The following MLYCD variants were observed in gnomAD, a reference collection of about 807,000 sequenced individuals.
MLYCD encodes the protein malonyl-CoA decarboxylase, mitochondrial.
In MLYCD, 27 loss-of-function variants were observed where a neutral mutation model predicts 35.8. The ratio of observed to expected loss-of-function variants is 0.75; its 90% confidence interval spans 0.56 to 1.04. The LOEUF is 1.04. Ranked by LOEUF, MLYCD falls within the 50% of genes least tolerant of loss-of-function variation. The probability of loss-of-function intolerance (pLI) is 0.00; values close to 1 mark genes in which losing one functional copy is unlikely to be tolerated. For synonymous variants in MLYCD, 403 were observed against 302.4 expected (o/e 1.33, Z -3.45); for missense variants, 917 against 665.1 (o/e 1.38, Z -4.17).
chr16:83,914,833 G>A, intron 4 of MLYCD, 123 bp from the exon 5 acceptor site: 3 of 1,359,208 alleles, frequency 2.2e-6, no homozygotes, highest in Non-Finnish European at 3.1e-6. Context: ...TGTATCAGAT[G>A]TCACTCTGAC....
chr16:83,899,787 C>T (rs928839381), intron 1 of MLYCD, 115 bp downstream of exon 1: 5 of 1,288,140 alleles, frequency 3.9e-6, no homozygotes, highest in Non-Finnish European at 5.1e-6. Flanking sequence ...ATAGCACGCT[C>T]ACTTCGCCCG....
chr16:83,910,143 C>G (rs1421135227), intron 3 of MLYCD, among the ~76,000 whole-genome samples: 1 of 151,136 alleles, frequency 6.6e-6, no homozygotes, highest in Non-Finnish European at 1.5e-5. Context: ...AGGTGTTCAT[C>G]AAAAGGGCAG....
chr16:83,915,216 C>T lies in MLYCD; in HGVS notation c.1209C>T (p.Ala403=), dbSNP rs774773160. ...AGACTCCGCTGATGAGGCTGTGCGC[C>T]TGGTACCTGTATGGAGAGAAGCACC... ...ALQTPLMRLC[A]WYLYGEKHRG... The change falls in exon 5 of 5, where the codon GCC becomes GCT. Residue 403 remains alanine (A), a synonymous_variant. Coordinates refer to ENST00000262430, the MANE Select transcript of MLYCD (RefSeq NM_012213.3). The T allele has an allele frequency of 6.2e-7, 1 of 1,614,000 alleles. No individual in the cohort carries two copies. Among genetic ancestry groups the T allele is most frequent in the Middle Eastern group, 1.7e-4 (1 of 6,058 alleles).
chr16:83,909,216 C>T (rs1907085740), intron 3 of MLYCD, among the ~76,000 whole-genome samples: 9 of 152,018 alleles, frequency 5.9e-5, no homozygotes, highest in Admixed American at 5.2e-4. Context: ...TTCCTTCTGG[C>T]CTAACAATTC....
intron 3 of MLYCD, among the ~76,000 whole-genome samples, chr16:83,909,651 C>T (rs1361538774): frequency 1.5e-5 from 2 of 129,834 alleles, no homozygotes; most frequent in East Asian, 4.5e-4. Context: ...AGCGGAGTTT[C>T]GCTCTTCTTG....
At chr16:83,901,798 A>C (rs919919973) in intron 1 of MLYCD, among the ~76,000 whole-genome samples, 1 of 152,180 alleles carries the variant, frequency 6.6e-6, no homozygotes, top group Non-Finnish European at 1.5e-5. Context: ...GACATTCACA[A>C]GTTTCCTTGC....
At chr16:83,905,189 C>T (rs1438970602) in intron 1 of MLYCD, among the ~76,000 whole-genome samples, 3 of 151,812 alleles carry the variant, frequency 2.0e-5, no homozygotes, top group Non-Finnish European at 4.4e-5. Flanking sequence ...CACCACTGCA[C>T]TCCAGCCTGG....
intron 4 of MLYCD, 174 bp downstream of exon 4, chr16:83,912,541 C>G: frequency 1.3e-6 from 1 of 797,786 alleles, no homozygotes; most frequent in Admixed American, 2.2e-5. Context: ...AGCCATGAGT[C>G]TCCCAGAGAG....
chr16:83,915,627 C>T lies in MLYCD; in HGVS notation c.*138C>T, dbSNP rs868586914. ...GTTCTTGTCCCGCAGCCGGTCCACA[C>T]TGTGAGGCCAGGCCTCAACTTCCCT... On this transcript the variant is annotated 3_prime_UTR_variant, in exon 5 of 5. Transcript: ENST00000262430. 2.0e-6 allele frequency: 3 copies of T among 1,524,130 alleles called. No homozygotes were observed. The highest frequency in any genetic ancestry group is 1.8e-6 in the Non-Finnish European group (2 of 1,140,504). 94.4% of individuals were successfully genotyped at this position (1,524,130 alleles called of 1,614,324 possible).
chr16:83,901,109 G>C (rs1238959153), intron 1 of MLYCD, among the ~76,000 whole-genome samples: 1 of 152,190 alleles, frequency 6.6e-6, no homozygotes, highest in Non-Finnish European at 1.5e-5. Context: ...ACAGCGCTAA[G>C]TGTTACTGAG....
intron 3 of MLYCD, among the ~76,000 whole-genome samples, chr16:83,908,820 C>T (rs1159386164): frequency 2.0e-5 from 3 of 152,206 alleles, no homozygotes; most frequent in East Asian, 3.9e-4. Flanking sequence ...GTCTGAAACA[C>T]TCCTGCAGGC....
intron 2 of MLYCD, 57 bp from the exon 3 acceptor site, chr16:83,908,069 G>A (rs775319760): frequency 6.8e-5 from 109 of 1,603,038 alleles, no homozygotes; most frequent in African/African-American, 1.1e-4. Context: ...ATAGGAGTCA[G>A]CAGCCGTTGC....
At chr16:83,906,208 A>G (rs918577456) in intron 1 of MLYCD, among the ~76,000 whole-genome samples, 14 of 152,074 alleles carry the variant, frequency 9.2e-5, no homozygotes, top group African/African-American at 3.4e-4. Context: ...GCAACGTGGC[A>G]AAACCCCATT....
In MLYCD at chr16:83,912,015, C is replaced by T. The variant is rs147456617; in HGVS notation, c.799-203C>T. The T allele has an allele frequency of 7.6e-4, 507 of 664,078 alleles. 2 individuals are homozygous for T. The African/African-American group carries it at 8.5e-3, about 11-fold the overall frequency. 41.1% of individuals were successfully genotyped at this position (664,078 alleles called of 1,614,324 possible). On this transcript the variant is annotated intron_variant, in intron 3 of 4. Coordinates refer to ENST00000262430, the MANE Select transcript of MLYCD (RefSeq NM_012213.3). Reference sequence around the variant, plus strand: ...CGATGCAGTGCTGAGGACCCCCAGGCACGCGGTGGAGTCGCCTCCTCCAGA... The same window carrying T: ...CGATGCAGTGCTGAGGACCCCCAGGTACGCGGTGGAGTCGCCTCCTCCAGA...
chr16:83,904,476 C>T (rs1217553996), intron 1 of MLYCD, among the ~76,000 whole-genome samples: 2 of 152,236 alleles, frequency 1.3e-5, no homozygotes, highest in Non-Finnish European at 2.9e-5. Context: ...AAGGGCCATT[C>T]TGTGTCACCT....
At chr16:83,907,135 A>G (rs1177412672) in intron 2 of MLYCD, 36 bp downstream of exon 2, 2 of 1,496,524 alleles carry the variant, frequency 1.3e-6, no homozygotes, top group Non-Finnish European at 1.9e-6. Context: ...TTGTACATAC[A>G]TTTTTCATAT....
rs935613012 is a variant in MLYCD at position 83,915,662 on chromosome 16, C to T, written c.*173C>T. On this transcript the variant is annotated 3_prime_UTR_variant, in exon 5 of 5. Transcript: ENST00000262430. ...AGGCCTCAACTTCCCTCACCCTGGG[C>T]GTGACATGCACCCAGTGCAAGACGG... 1.1e-5 allele frequency: 16 copies of T among 1,498,852 alleles called. No individual in the cohort carries two copies. Among genetic ancestry groups the T allele is most frequent in the Middle Eastern group, 2.4e-4 (1 of 4,186 alleles). The allele number at this position is 1,498,852 out of a possible 1,614,324, so 92.8% of individuals were successfully genotyped here. A position where few individuals can be genotyped will look rare whatever the true frequency, so the allele number is the denominator to read the frequency against.
Position 83,899,790 on chromosome 16 carries a change from T to G in MLYCD, c.528+118T>G, listed in dbSNP as rs185230073. On this transcript the variant is annotated intron_variant, in intron 1 of 4. Coordinates refer to ENST00000262430, the MANE Select transcript of MLYCD (RefSeq NM_012213.3). The stretch of plus-strand genomic sequence containing the variant: ...CTTCCCTGCCCGATAGCACGCTCAC[T>G]TCGCCCGCAGTTACCGCCTGCCAAC... 1,262 of 1,275,664 alleles carry G rather than the reference T, an allele frequency of 9.9e-4. 8 individuals carry two copies. In the African/African-American group the frequency reaches 0.017, roughly 17 times the overall value. 79.0% of individuals were successfully genotyped at this position (1,275,664 alleles called of 1,614,324 possible). A position where few individuals can be genotyped will look rare whatever the true frequency, so the allele number is the denominator to read the frequency against.
intron 4 of MLYCD, chr16:83,912,723 C>T: frequency 2.8e-6 from 1 of 353,836 alleles, no homozygotes; most frequent in Non-Finnish European, 5.5e-6. Flanking sequence ...ATGTCCCAGC[C>T]AGATGGCACA....
Sources: allele counts gnomAD v4.1 joint callset (sites outside exome capture counted in the v4.1 genomes callset), GRCh38; gene constraint gnomAD v4.1.1; transcripts MANE v1.5; gene names NCBI Gene and HGNC (gene_info 2026-07-23, HGNC 2026-07-21).